The following MAF variants were observed in gnomAD, a reference collection of about 807,000 sequenced individuals.
MAF encodes the protein transcription factor Maf.
A neutral mutation model predicts 22.0 loss-of-function variants in MAF; 10 were observed. The observed-to-expected ratio is 0.45, with a 90% CI of 0.28 to 0.77. The LOEUF (loss-of-function observed/expected upper bound fraction) is 0.77. MAF is among the 30% of genes least tolerant of loss of function. The pLI, the probability that MAF is intolerant of heterozygous loss-of-function variation, is 0.12. For missense variants in MAF, 544 were observed against 548.4 expected (o/e 0.99, Z 0.08); for synonymous variants, 337 against 255.8 (o/e 1.32, Z -3.03).
the MAF span, among the ~76,000 whole-genome samples, chr16:79,549,912 C>G: frequency 6.6e-6 from 1 of 152,164 alleles, no homozygotes; most frequent in African/African-American, 2.4e-5. Flanking sequence ...AAGCAGACCT[C>G]CTAAATTGTT....
chr16:79,400,687 C>G, the MAF span, among the ~76,000 whole-genome samples: 2 of 152,250 alleles, frequency 1.3e-5, no homozygotes, highest in African/African-American at 4.8e-5. Context: ...GCAAAGTAAA[C>G]AGGTCAGACA....
the MAF span, among the ~76,000 whole-genome samples, chr16:79,322,107 C>G: frequency 6.6e-6 from 1 of 152,084 alleles, no homozygotes; most frequent in African/African-American, 2.4e-5. Context: ...TAGCACATGC[C>G]TGTAATCCCA....
the MAF span, among the ~76,000 whole-genome samples, chr16:79,322,372 G>T: frequency 1.3e-5 from 2 of 152,128 alleles, no homozygotes; most frequent in African/African-American, 4.8e-5. Context: ...TTAAGTGACT[G>T]GGTCACTCTG....
chr16:79,298,804 G>C, the MAF span, among the ~76,000 whole-genome samples: 1 of 152,242 alleles, frequency 6.6e-6, no homozygotes, highest in Non-Finnish European at 1.5e-5. Context: ...GGCCTTGCAG[G>C]CTTTGGAGGG....
the MAF span, among the ~76,000 whole-genome samples, chr16:79,293,161 G>T: frequency 1.3e-5 from 2 of 152,016 alleles, no homozygotes; most frequent in East Asian, 3.9e-4. Context: ...GAGTTTTCTT[G>T]CGTGAGGTCC....
the MAF span, among the ~76,000 whole-genome samples, chr16:79,252,487 C>T: frequency 7.2e-5 from 11 of 151,872 alleles, no homozygotes; most frequent in South Asian, 6.2e-4. Flanking sequence ...AGCCTGGTTT[C>T]GATTTTTTTT....
At chr16:79,224,034 A>G in the MAF span, among the ~76,000 whole-genome samples, 36 of 152,348 alleles carry the variant, frequency 2.4e-4, no homozygotes, top group African/African-American at 7.9e-4. Flanking sequence ...TCCTGATACC[A>G]AAACCTGGCA....
chr16:79,571,818 G>T, the MAF span, among the ~76,000 whole-genome samples: 1 of 152,064 alleles, frequency 6.6e-6, no homozygotes, highest in Non-Finnish European at 1.5e-5. Flanking sequence ...TTTCAGCCAC[G>T]TTGAACAAAA....
At position 79,594,494 on chromosome 16, in the gene MAF, T is replaced by A; in HGVS notation, c.1178A>T (p.Gln393Leu). The change falls in exon 2 of 2, where the codon CAG (glutamine) becomes CTG (leucine). Residue 393 changes from glutamine (Q) to leucine (L), a missense_variant. Around this residue, in one of 5 missense-constraint regions of MAF, gnomAD observed 129 missense variants for 113.6 expected, o/e 1.14. Transcript: ENST00000326043. Reference protein sequence around the residue: ...SVGYATFWKPQHRVLTSVFTK With the variant: ...SVGYATFWKPLHRVLTSVFTK ...GAACACACTGGTAAGTACACGATGC[T>A]GGGGCTTCCAAAATGTGGCGTATCC... is the stretch of plus-strand genomic sequence containing the variant. 2 of 1,566,874 alleles carry A rather than the reference T, an allele frequency of 1.3e-6. No individual in the cohort carries two copies. The highest frequency in any genetic ancestry group is 1.7e-6 in the Non-Finnish European group (2 of 1,152,980).
At chr16:79,584,261 T>G (rs79907069), downstream of MAF, among the ~76,000 whole-genome samples, 3,265 of 152,264 alleles carry the variant, frequency 0.021, 119 homozygotes, top group African/African-American at 0.074. Flanking sequence ...AGTTTTGGCT[T>G]CCATGACTGA....
the MAF span, among the ~76,000 whole-genome samples, chr16:79,302,071 C>T: frequency 4.6e-5 from 7 of 152,220 alleles, no homozygotes; most frequent in African/African-American, 1.7e-4. Context: ...CTGACTCTCA[C>T]CTGCATCCCT....
At chr16:79,372,871 C>T in the MAF span, among the ~76,000 whole-genome samples, 15 of 152,304 alleles carry the variant, frequency 9.8e-5, 1 homozygote, top group South Asian at 3.1e-3. Context: ...TATTTCTCAC[C>T]CACTGCAGGA....
At chr16:79,205,389 C>G in the MAF span, 1 of 152,192 alleles carries the variant, frequency 6.6e-6, no homozygotes, top group African/African-American at 2.4e-5. Context: ...CCTTTGTGAA[C>G]CTGTTGCTAG....
At chr16:79,276,973 G>A in the MAF span, among the ~76,000 whole-genome samples, 1 of 152,056 alleles carries the variant, frequency 6.6e-6, no homozygotes, top group African/African-American at 2.4e-5. Context: ...TCCAATCTCT[G>A]TTCTCATTTC....
the MAF span, among the ~76,000 whole-genome samples, chr16:79,239,154 G>C: frequency 6.6e-6 from 1 of 152,044 alleles, no homozygotes; most frequent in South Asian, 2.1e-4. Context: ...TGTGTTTGCA[G>C]CTCCTGATTT....
the MAF span, among the ~76,000 whole-genome samples, chr16:79,229,145 C>G: frequency 1.4e-5 from 2 of 147,982 alleles, no homozygotes; most frequent in Non-Finnish European, 3.0e-5. Flanking sequence ...AGACCCCCCC[C>G]AACACCCAGG....
chr16:79,276,648 G>A, the MAF span, among the ~76,000 whole-genome samples: 2 of 152,142 alleles, frequency 1.3e-5, no homozygotes, highest in African/African-American at 2.4e-5. Flanking sequence ...CACTGGGATC[G>A]GAGTGCAGGA....
chr16:79,262,649 C>G, the MAF span, among the ~76,000 whole-genome samples: 1 of 152,112 alleles, frequency 6.6e-6, no homozygotes, highest in Non-Finnish European at 1.5e-5. Flanking sequence ...AGCTGGGCTG[C>G]TGGGCCCTTA....
the MAF span, among the ~76,000 whole-genome samples, chr16:79,363,785 A>G: frequency 6.6e-6 from 1 of 152,170 alleles, no homozygotes; most frequent in Non-Finnish European, 1.5e-5. Context: ...GTTGTAAAGG[A>G]TCATTAAGAG....
Sources: allele counts gnomAD v4.1 joint callset (sites outside exome capture counted in the v4.1 genomes callset), GRCh38; gene constraint gnomAD v4.1.1; regional missense constraint gnomAD v4.1.1; transcripts MANE v1.5; gene names NCBI Gene and HGNC (gene_info 2026-07-23, HGNC 2026-07-21).